The following MAL variants were observed in gnomAD, a reference collection of about 807,000 sequenced individuals.
The protein encoded by MAL is mal, T cell differentiation protein (MAL blood group), also known as myelin and lymphocyte protein.
MAL carries 5 observed loss-of-function variants against 16.7 expected under a neutral mutation model. That is an observed-to-expected ratio of 0.30 (90% CI 0.16 to 0.63). The LOEUF (loss-of-function observed/expected upper bound fraction) is 0.63. MAL is among the 30% of genes least tolerant of loss of function. The pLI is 0.82. For missense variants in MAL, 202 were observed against 195.8 expected, an observed-to-expected ratio of 1.03 and a Z score of -0.19; for synonymous variants, 96 against 85.5, an observed-to-expected ratio of 1.12 and a Z score of -0.67.
intron 1 of MAL, chr2:95,026,504 TG>T (rs1304426330): frequency 8.7e-5 from 1 of 11,532 alleles, no homozygotes; most frequent in Non-Finnish European, 1.8e-4. Context: ...GTGGAGGAGA[TG>T]GGGGGTGGGG....
chr2:95,026,490 G>C (rs998329453), intron 1 of MAL: 12 of 139,340 alleles, frequency 8.6e-5, no homozygotes, highest in South Asian at 2.7e-4. Context: ...TGTGCGGGGT[G>C]GGGGTGGAGG....
intron 1 of MAL, among the ~76,000 whole-genome samples, chr2:95,033,912 G>A (rs538533559): frequency 6.6e-6 from 1 of 152,336 alleles, no homozygotes; most frequent in South Asian, 2.1e-4. Flanking sequence ...AACGTGGGCA[G>A]GTAACTGTGC....
intron 1 of MAL, among the ~76,000 whole-genome samples, chr2:95,028,220 G>T (rs942773043): frequency 4.0e-5 from 6 of 150,878 alleles, no homozygotes; most frequent in Non-Finnish European, 7.4e-5. Flanking sequence ...CTACTCAGCA[G>T]GCTAAGGCAT....
intron 1 of MAL, among the ~76,000 whole-genome samples, chr2:95,037,472 G>C (rs967627118): frequency 7.3e-5 from 11 of 150,992 alleles, no homozygotes; most frequent in African/African-American, 2.7e-4. Context: ...GACTAACTGA[G>C]TGACTGAGTG....
intron 1 of MAL, among the ~76,000 whole-genome samples, chr2:95,026,168 T>A (rs1673931432): frequency 1.3e-5 from 2 of 151,992 alleles, no homozygotes; most frequent in African/African-American, 4.8e-5. Context: ...GGGGGACGGC[T>A]CTTGGTTCGC....
At chr2:95,034,471 G>T (rs750214775) in intron 1 of MAL, among the ~76,000 whole-genome samples, 1 of 152,206 alleles carries the variant, frequency 6.6e-6, no homozygotes, top group Non-Finnish European at 1.5e-5. Flanking sequence ...ACATCTGCCC[G>T]CAGGCGTAGG....
intron 3 of MAL, among the ~76,000 whole-genome samples, chr2:95,050,284 G>A (rs368991293): frequency 6.6e-6 from 1 of 152,204 alleles, no homozygotes; most frequent in African/African-American, 2.4e-5. Flanking sequence ...TTAATGGACT[G>A]GATCAGAATG....
intron 1 of MAL, among the ~76,000 whole-genome samples, chr2:95,030,440 G>T (rs777817168): frequency 3.8e-4 from 58 of 152,210 alleles, no homozygotes; most frequent in Non-Finnish European, 7.6e-4. Flanking sequence ...GCCACTCTCT[G>T]TCTCTGTCTC....
At chr2:95,048,228 C>CAGTGCCAG in intron 2 of MAL, 102 bp downstream of exon 2, 1 of 1,195,294 alleles carries the variant, frequency 8.4e-7, no homozygotes, top group Middle Eastern at 2.1e-4. Flanking sequence ...GAGACTTCTC[C>CAGTGCCAG]GTAGATGTCA....
In MAL at chr2:95,053,453, T is replaced by C; in HGVS notation, c.460T>C (p.Ter154GlnextTer6). The change falls in exon 4 of 4, where the codon TAA (stop) becomes CAA (glutamine). Residue 154 changes from the stop codon to glutamine, a stop_lost. Coordinates refer to ENST00000309988, the MANE Select transcript of MAL (RefSeq NM_002371.4). The part of the protein sequence containing the change: ...VFSLIRWKSS[*>Q] ...CTCTTTAATCAGATGGAAGTCTTCATAAAGCCGCAGTAGAACTTGAGCTGA... is the reference window on the plus strand; with the variant it reads ...CTCTTTAATCAGATGGAAGTCTTCACAAAGCCGCAGTAGAACTTGAGCTGA... The C allele has an allele frequency of 5.0e-6, 8 of 1,611,892 alleles. No homozygotes were observed. The highest frequency in any genetic ancestry group is 6.8e-6 in the Non-Finnish European group (8 of 1,178,036).
intron 1 of MAL, among the ~76,000 whole-genome samples, chr2:95,038,895 GGTGA>G (rs1293392532): frequency 6.0e-5 from 5 of 83,752 alleles, no homozygotes; most frequent in Non-Finnish European, 1.2e-4. Context: ...TGACTGAGTG[GGTGA>G]GTGAGTGACT....
At chr2:95,050,346 G>A (rs1260427642) in intron 3 of MAL, among the ~76,000 whole-genome samples, 1 of 152,234 alleles carries the variant, frequency 6.6e-6, no homozygotes, top group Non-Finnish European at 1.5e-5. Context: ...AGCTGTGCAT[G>A]TGTGCCCTTG....
At chr2:95,047,870 C>T (rs1290334504) in intron 1 of MAL, 89 bp from the exon 2 acceptor site, 11 of 1,318,740 alleles carry the variant, frequency 8.3e-6, no homozygotes, top group Non-Finnish European at 1.1e-5. Context: ...TTTTGCACTC[C>T]AGTCACCCCA....
intron 3 of MAL, among the ~76,000 whole-genome samples, 168 bp downstream of exon 3, chr2:95,049,874 T>C (rs1371503907): frequency 1.3e-5 from 2 of 151,490 alleles, no homozygotes; most frequent in African/African-American, 2.4e-5. Flanking sequence ...AAGGGCAGTG[T>C]CATGTTGTGC....
In MAL at chr2:95,049,801, G is replaced by A. The variant is rs1160661542; in HGVS notation, c.387+95G>A. ...TGCCTAGGCCCTTGGTCTGTTTTCA[G>A]TTCACTAACTTTTGAGTGAGGTCAA... On this transcript the variant is annotated intron_variant, in intron 3 of 3. Transcript: ENST00000309988. 2.2e-5 allele frequency: 33 copies of A among 1,529,888 alleles called. No individual in the cohort carries two copies. The Middle Eastern group carries it at 1.0e-3, about 48-fold the overall frequency. The allele number at this position is 1,529,888 out of a possible 1,614,324, so 94.8% of individuals were successfully genotyped here.
intron 1 of MAL, among the ~76,000 whole-genome samples, chr2:95,041,160 T>C (rs983453267): frequency 2.0e-5 from 3 of 152,192 alleles, no homozygotes; most frequent in African/African-American, 7.2e-5. Flanking sequence ...CACTGGGGAC[T>C]GTGGATGAAG....
chr2:95,025,944 C>A lies in MAL; in HGVS notation c.93+59C>A, dbSNP rs1280080496. On this transcript the variant is annotated intron_variant, in intron 1 of 3. Coordinates refer to ENST00000309988, the MANE Select transcript of MAL (RefSeq NM_002371.4). The surrounding 1 kb of genome is among the most constrained non-coding windows in gnomAD (Gnocchi z 5.6). ...GGGCTGAGCCGTGCGCTCTCTCGGG[C>A]GCCCAGCACAGCTGTCGGACGGGAT... 2 of 1,413,176 alleles carry A rather than the reference C, an allele frequency of 1.4e-6. No individual in the cohort carries two copies. Among genetic ancestry groups the A allele is most frequent in the Non-Finnish European group, 9.6e-7 (1 of 1,041,258 alleles). The allele number at this position is 1,413,176 out of a possible 1,614,324, so 87.5% of individuals were successfully genotyped here.
chr2:95,037,802 AAGTG>A (rs1345633849), intron 1 of MAL, among the ~76,000 whole-genome samples: 6 of 58,542 alleles, frequency 1.0e-4, no homozygotes, highest in South Asian at 6.5e-4. Flanking sequence ...GTGAGTGACT[AAGTG>A]AGTGAGTGAG....
At chr2:95,032,185 G>C (rs1674100515) in intron 1 of MAL, among the ~76,000 whole-genome samples, 1 of 152,250 alleles carries the variant, frequency 6.6e-6, no homozygotes, top group African/African-American at 2.4e-5. Flanking sequence ...TCACACTCAG[G>C]TCGGCCAGGG....
Sources: gnomAD v4.1 joint callset for allele counts (sites outside exome capture counted in the v4.1 genomes callset) on GRCh38, gnomAD v4.1.1 for gene constraint, Gnocchi (gnomAD v3.1) non-coding constraint, MANE v1.5 for transcripts, NCBI Gene and HGNC (gene_info 2026-07-23, HGNC 2026-07-21) for gene names.